Variants in CERKL observed in about 807,000 individuals in gnomAD.
The protein encoded by CERKL is CERK like autophagy regulator, also known as ceramide kinase-like protein.
A neutral mutation model predicts 63.4 loss-of-function variants in CERKL; 61 were observed. The ratio of observed to expected loss-of-function variants is 0.96; its 90% CI spans 0.78 to 1.19. The LOEUF is 1.19. CERKL is among the 50% of genes most tolerant of loss of function. CERKL has a pLI of 0.00. For missense variants in CERKL, 675 were observed against 655.5 expected (o/e 1.03, Z -0.33); for synonymous variants, 250 against 230.5 (o/e 1.08, Z -0.77).
At chr2:181,563,223 T>C (rs981358516) in intron 4 of CERKL, among the ~76,000 whole-genome samples, 1 of 152,106 alleles carries the variant, frequency 6.6e-6, no homozygotes, top group Non-Finnish European at 1.5e-5. Context: ...TCTTAGAGTG[T>C]TTCCTAGGAC....
intron 1 of CERKL, among the ~76,000 whole-genome samples, chr2:181,620,269 G>C (rs1332669952): frequency 2.6e-5 from 4 of 151,898 alleles, no homozygotes; most frequent in African/African-American, 9.7e-5. Context: ...TTTTTTTCCT[G>C]AGGACCTCAA....
chr2:181,578,039 T>C (rs1684328429), intron 2 of CERKL, among the ~76,000 whole-genome samples: 1 of 152,200 alleles, frequency 6.6e-6, no homozygotes, highest in African/African-American at 2.4e-5. Flanking sequence ...GCTAGACTGC[T>C]TTCTCTATAG....
At chr2:181,612,759 T>C (rs1188363147) in intron 1 of CERKL, among the ~76,000 whole-genome samples, 1 of 152,142 alleles carries the variant, frequency 6.6e-6, no homozygotes, top group Non-Finnish European at 1.5e-5. Flanking sequence ...CTTTATTTTT[T>C]GCTGTTTTAT....
intron 4 of CERKL, among the ~76,000 whole-genome samples, chr2:181,560,139 C>T (rs930524908): frequency 6.6e-6 from 1 of 152,158 alleles, no homozygotes; most frequent in African/African-American, 2.4e-5. Flanking sequence ...CAAGGTTTGA[C>T]TTGAAACTTA....
intron 12 of CERKL, 64 bp from the exon 13 acceptor site, chr2:181,538,308 A>G (rs987285651): frequency 3.4e-6 from 3 of 890,778 alleles, no homozygotes; most frequent in South Asian, 2.8e-5. Flanking sequence ...CCTAATAAGT[A>G]TGGTACACAA....
chr2:181,623,742 A>C (rs1686559056), intron 1 of CERKL, among the ~76,000 whole-genome samples: 1 of 152,166 alleles, frequency 6.6e-6, no homozygotes, highest in South Asian at 2.1e-4. Context: ...CCAAAGCTCC[A>C]AAAACATTTT....
intron 2 of CERKL, among the ~76,000 whole-genome samples, chr2:181,589,816 A>G (rs1404106762): frequency 6.6e-6 from 1 of 151,812 alleles, no homozygotes; most frequent in Non-Finnish European, 1.5e-5. Context: ...TAACTCCACA[A>G]AAGGTATGTA....
In CERKL at chr2:181,558,467, G is replaced by C; in HGVS notation, c.820+99C>G. 7.5e-7 allele frequency: 1 copy of C among 1,327,938 alleles called. No individual in the cohort carries two copies. The highest frequency in any genetic ancestry group is 1.2e-5 in the South Asian group (1 of 84,858). The allele number at this position is 1,327,938 out of a possible 1,614,324, so 82.3% of individuals were successfully genotyped here. A position where few individuals can be genotyped will look rare whatever the true frequency, so the allele number is the denominator to read the frequency against. On this transcript the variant is annotated intron_variant, in intron 5 of 12. Coordinates refer to ENST00000410087, the MANE Select transcript of CERKL (RefSeq NM_201548.5). The surrounding 1 kb of genome is among the most constrained non-coding windows in gnomAD (Gnocchi z 4.2). ...ATGCCAGAAGTCTGGATCTTTCAAAGTCTGTTCATTAATTCTGTGTTGTGC... is the reference window on the plus strand; with the variant it reads ...ATGCCAGAAGTCTGGATCTTTCAAACTCTGTTCATTAATTCTGTGTTGTGC...
chr2:181,639,281 G>A (rs1687319073), intron 1 of CERKL, among the ~76,000 whole-genome samples: 1 of 152,166 alleles, frequency 6.6e-6, no homozygotes, highest in African/African-American at 2.4e-5. Flanking sequence ...GATGTGGGTA[G>A]AGTATAGATG....
At chr2:181,621,829 A>T (rs1174474558) in intron 1 of CERKL, among the ~76,000 whole-genome samples, 5 of 152,208 alleles carry the variant, frequency 3.3e-5, no homozygotes, top group Middle Eastern at 3.2e-3. Context: ...TAATACTGTC[A>T]GTTTTTTTTT....
chr2:181,538,098 G>C lies in CERKL; in HGVS notation c.*86C>G. ...TCTTCCATGAAACTGGTCCCAAAAA[G>C]GGTGGGGACCACAGGTTTAAAGCAT... On this transcript the variant is annotated 3_prime_UTR_variant, in exon 13 of 13. Transcript: ENST00000410087. 1 of 897,358 alleles carries C rather than the reference G, an allele frequency of 1.1e-6. No individual in the cohort carries two copies. The highest frequency in any genetic ancestry group is 1.6e-5 in the African/African-American group (1 of 60,780). The allele number at this position is 897,358 out of a possible 1,614,324, so 55.6% of individuals were successfully genotyped here.
At chr2:181,565,475 C>G in intron 4 of CERKL, 1 of 1,612,198 alleles carries the variant, frequency 6.2e-7, no homozygotes, top group Non-Finnish European at 8.5e-7. Flanking sequence ...TCTCTGTACA[C>G]TCCAATGTAT....
intron 1 of CERKL, among the ~76,000 whole-genome samples, chr2:181,631,838 G>C (rs961992088): frequency 2.0e-5 from 3 of 152,160 alleles, no homozygotes; most frequent in Non-Finnish European, 4.4e-5. Flanking sequence ...AGGTAACCAA[G>C]CTGGGCTGTC....
At chr2:181,584,754 A>C (rs550692749) in intron 2 of CERKL, among the ~76,000 whole-genome samples, 2 of 151,840 alleles carry the variant, frequency 1.3e-5, no homozygotes, top group South Asian at 4.2e-4. Context: ...CTTAGTGGCC[A>C]CATATCCATT....
At chr2:181,548,155 C>T in intron 8 of CERKL, 1 of 540,270 alleles carries the variant, frequency 1.9e-6, no homozygotes, top group South Asian at 2.5e-5. Flanking sequence ...TCACGAGGGA[C>T]AAAACTGTGT....
intron 2 of CERKL, among the ~76,000 whole-genome samples, chr2:181,585,571 T>C (rs1036463791): frequency 6.6e-6 from 1 of 152,024 alleles, no homozygotes; most frequent in Non-Finnish European, 1.5e-5. Flanking sequence ...TTAGAAAAAA[T>C]ATTTAGCATG....
chr2:181,618,270 T>A (rs918985420), intron 1 of CERKL, among the ~76,000 whole-genome samples: 20 of 147,638 alleles, frequency 1.4e-4, no homozygotes, highest in Non-Finnish European at 2.4e-4. Context: ...CACAATATTT[T>A]TTTTTTTTTT....
intron 1 of CERKL, among the ~76,000 whole-genome samples, chr2:181,637,894 T>C (rs1163091649): frequency 6.6e-6 from 1 of 152,066 alleles, no homozygotes. Flanking sequence ...ACCTCCCTAG[T>C]AGTGTACACT....
intron 2 of CERKL, among the ~76,000 whole-genome samples, chr2:181,592,094 A>C (rs1465466519): frequency 6.6e-6 from 1 of 152,190 alleles, no homozygotes; most frequent in Non-Finnish European, 1.5e-5. Flanking sequence ...TTCAACTTGT[A>C]TAAAGGGAAG....
Sources: gnomAD v4.1 joint callset for allele counts (sites outside exome capture counted in the v4.1 genomes callset) on GRCh38, gnomAD v4.1.1 for gene constraint, Gnocchi (gnomAD v3.1) non-coding constraint, MANE v1.5 for transcripts, NCBI Gene and HGNC (gene_info 2026-07-23, HGNC 2026-07-21) for gene names.